The following ROBO1 variants were observed in gnomAD, a reference collection of about 807,000 sequenced individuals.
ROBO1 encodes roundabout guidance receptor 1, also known as roundabout homolog 1.
In ROBO1, 149 loss-of-function variants were observed where a neutral mutation model predicts 195.9. That is an observed-to-expected ratio of 0.76 (90% confidence interval 0.67 to 0.87). The LOEUF (loss-of-function observed/expected upper bound fraction) is 0.87. Among genes scored for constraint, ROBO1 ranks in the 40% least tolerant of loss-of-function variants. The probability of loss-of-function intolerance (pLI) is 0.00; values close to 1 mark genes in which losing one functional copy is unlikely to be tolerated. For missense variants in ROBO1, 1,933 were observed against 2,068.3 expected (o/e 0.93, Z 1.27); for synonymous variants, 816 against 733.2 (o/e 1.11, Z -1.82).
intron 4 of ROBO1, among the ~76,000 whole-genome samples, chr3:78,870,522 G>C (rs2035482897): frequency 6.6e-6 from 1 of 152,166 alleles, no homozygotes; most frequent in African/African-American, 2.4e-5. Flanking sequence ...TTACAGGGAA[G>C]AAATGATTCT....
At chr3:78,745,621 TAC>T (rs1379357223) in intron 5 of ROBO1, among the ~76,000 whole-genome samples, 2 of 152,220 alleles carry the variant, frequency 1.3e-5, no homozygotes, top group Non-Finnish European at 2.9e-5. Context: ...TGTTTCCCCA[TAC>T]AGTTACTTTT....
intron 8 of ROBO1, among the ~76,000 whole-genome samples, chr3:78,700,848 C>T (rs1423858706): frequency 6.6e-6 from 1 of 151,626 alleles, no homozygotes; most frequent in Non-Finnish European, 1.5e-5. Flanking sequence ...ACTGCAACCT[C>T]CACCTCCCGG....
chr3:79,403,546 A>G (rs1355872026), intron 2 of ROBO1, among the ~76,000 whole-genome samples: 1 of 152,058 alleles, frequency 6.6e-6, no homozygotes, highest in African/African-American at 2.4e-5. Flanking sequence ...TCTAAGAAGG[A>G]CTAAAGAACA....
At chr3:79,584,274 ATATATT>A (rs2107798532) in intron 2 of ROBO1, among the ~76,000 whole-genome samples, 1 of 145,848 alleles carries the variant, frequency 6.9e-6, no homozygotes, top group South Asian at 2.1e-4. Flanking sequence ...ATATATATAT[ATATATT>A]ACTACATATA....
intron 2 of ROBO1, among the ~76,000 whole-genome samples, chr3:79,581,437 G>A (rs1031861249): frequency 1.3e-5 from 2 of 152,190 alleles, no homozygotes; most frequent in African/African-American, 4.8e-5. Context: ...TTACAAATAC[G>A]AGTTTCTTCA....
intron 2 of ROBO1, among the ~76,000 whole-genome samples, chr3:79,146,038 C>CAAAA (rs33941210): frequency 2.2e-4 from 33 of 147,840 alleles, no homozygotes; most frequent in Non-Finnish European, 1.8e-4. Flanking sequence ...ATAAAGAAAG[C>CAAAA]AAAAAAAAAA....
chr3:78,605,918 C>A (rs1159149152), intron 29 of ROBO1, among the ~76,000 whole-genome samples: 5 of 152,178 alleles, frequency 3.3e-5, no homozygotes, highest in Non-Finnish European at 5.9e-5. Context: ...TCTGAAGTGT[C>A]TGTACAGGCT....
chr3:79,589,700 C>T, intron 2 of ROBO1, 124 bp downstream of exon 2: 1 of 744,264 alleles, frequency 1.3e-6, no homozygotes, highest in Non-Finnish European at 2.3e-6. Context: ...AAGACATTCA[C>T]ACAGACTTAC....
chr3:78,728,204 G>A (rs2108165510), intron 5 of ROBO1, among the ~76,000 whole-genome samples: 1 of 152,194 alleles, frequency 6.6e-6, no homozygotes, highest in Admixed American at 6.5e-5. Flanking sequence ...GAAAGGGGAA[G>A]GAGGAGGAGA....
At chr3:79,675,945 G>C (rs1436035661) in intron 1 of ROBO1, among the ~76,000 whole-genome samples, 1 of 151,896 alleles carries the variant, frequency 6.6e-6, no homozygotes, top group Non-Finnish European at 1.5e-5. Flanking sequence ...CGATAAAAAG[G>C]TATAGCTTTC....
chr3:79,360,575 T>C (rs2035731816), intron 2 of ROBO1, among the ~76,000 whole-genome samples: 1 of 152,066 alleles, frequency 6.6e-6, no homozygotes, highest in Non-Finnish European at 1.5e-5. Flanking sequence ...GTGATGATGA[T>C]GAAGTTGATA....
chr3:79,210,706 T>C (rs2081953428), intron 2 of ROBO1, among the ~76,000 whole-genome samples: 1 of 152,146 alleles, frequency 6.6e-6, no homozygotes. Context: ...AGCTAAGATT[T>C]TTTTTTTGAA....
intron 3 of ROBO1, among the ~76,000 whole-genome samples, chr3:78,959,156 C>A (rs538431728): frequency 6.6e-6 from 1 of 151,694 alleles, no homozygotes; most frequent in African/African-American, 2.4e-5. Flanking sequence ...AATATCCCAT[C>A]AAAAAAAATT....
intron 2 of ROBO1, among the ~76,000 whole-genome samples, chr3:79,444,118 G>A (rs2039154580): frequency 6.6e-6 from 1 of 151,956 alleles, no homozygotes. Flanking sequence ...AAACCTCACA[G>A]TTACAAATTA....
chr3:79,392,046 A>G (rs2036973830), intron 2 of ROBO1, among the ~76,000 whole-genome samples: 1 of 152,260 alleles, frequency 6.6e-6, no homozygotes, highest in South Asian at 2.1e-4. Flanking sequence ...CCAGAAGTCC[A>G]GATCTCTTTT....
chr3:79,080,895 T>G (rs1048957314), intron 3 of ROBO1, among the ~76,000 whole-genome samples: 2 of 152,086 alleles, frequency 1.3e-5, no homozygotes, highest in Admixed American at 1.3e-4. Context: ...CAGTTTATCT[T>G]GGGATATATT....
chr3:79,342,385 A>G (rs1197720951), intron 2 of ROBO1, among the ~76,000 whole-genome samples: 1 of 152,208 alleles, frequency 6.6e-6, no homozygotes, highest in Non-Finnish European at 1.5e-5. Flanking sequence ...TTATAGAAAA[A>G]GGGAGAAAGT....
At chr3:79,180,944 A>G (rs2081330411) in intron 2 of ROBO1, among the ~76,000 whole-genome samples, 1 of 152,166 alleles carries the variant, frequency 6.6e-6, no homozygotes, top group African/African-American at 2.4e-5. Context: ...GGGGTGTCCT[A>G]TGGTCTGAAA....
chr3:79,022,380 G>A (rs1458361934), intron 3 of ROBO1, among the ~76,000 whole-genome samples: 1 of 152,162 alleles, frequency 6.6e-6, no homozygotes. Context: ...GCTTCAGGGT[G>A]GAATCTGTCT....
Sources: gnomAD v4.1 joint callset for allele counts (sites outside exome capture counted in the v4.1 genomes callset) on GRCh38, gnomAD v4.1.1 for gene constraint, MANE v1.5 for transcripts, NCBI Gene and HGNC (gene_info 2026-07-23, HGNC 2026-07-21) for gene names.